DNAH14: variants seen among roughly 807,000 people sequenced by gnomAD.
DNAH14 encodes the protein dynein axonemal heavy chain 14, also known as axonemal beta dynein heavy chain 14.
Under a neutral mutation model 520.9 loss-of-function variants are expected in DNAH14, and 478 were observed. The ratio of observed to expected loss-of-function variants is 0.92; its 90% CI spans 0.85 to 0.99. The LOEUF (loss-of-function observed/expected upper bound fraction) is 0.99. DNAH14 is among the 50% of genes least tolerant of loss of function. DNAH14 has a pLI of 0.00. For missense variants in DNAH14, 4,831 were observed against 5,234.5 expected (o/e 0.92, Z 2.38); for synonymous variants, 1,581 against 1,757.2 (o/e 0.90, Z 2.51).
chr1:225,003,072 G>A, intron 9 of DNAH14, 145 bp downstream of exon 9: 1 of 752,786 alleles, frequency 1.3e-6, no homozygotes, highest in East Asian at 3.1e-5. Context: ...TATCTGCAAA[G>A]AATGTGAGTT....
intron 11 of DNAH14, among the ~76,000 whole-genome samples, chr1:225,027,635 G>A (rs1272839354): frequency 6.6e-6 from 1 of 152,034 alleles, no homozygotes; most frequent in Non-Finnish European, 1.5e-5. Context: ...GATGTAGGGG[G>A]AGGTGCTATA....
intron 1 of DNAH14, among the ~76,000 whole-genome samples, chr1:224,939,434 G>C (rs190440653): frequency 6.6e-6 from 1 of 152,120 alleles, no homozygotes; most frequent in Non-Finnish European, 1.5e-5. Flanking sequence ...ACTTTGGGAT[G>C]CCCAGGTGGG....
At chr1:225,115,430 ATAC>A (rs1228275933) in intron 23 of DNAH14, among the ~76,000 whole-genome samples, 1 of 152,234 alleles carries the variant, frequency 6.6e-6, no homozygotes. Context: ...GTATCCTAAA[ATAC>A]TACATTTTAA....
chr1:225,153,834 GA>G lies in DNAH14; in HGVS notation c.5273+10del, dbSNP rs779976105. The G allele has an allele frequency of 1.1e-5, 17 of 1,545,620 alleles. No individual in the cohort carries two copies. The highest frequency in any genetic ancestry group is 1.4e-5 in the Non-Finnish European group (16 of 1,142,690). On this transcript the variant is annotated intron_variant, in intron 34 of 85. Transcript: ENST00000682510. ...GAAACGGGAGTTTAAATGGTCAGTT[GA>G]ATTTTGAATTGTTAGGTCAAAGGGA...
chr1:225,169,585 A>C (rs907935935), intron 36 of DNAH14, among the ~76,000 whole-genome samples: 1 of 152,228 alleles, frequency 6.6e-6, no homozygotes. Context: ...AAGAATAAAA[A>C]GAAATGAACA....
intron 54 of DNAH14, among the ~76,000 whole-genome samples, chr1:225,285,612 T>G (rs2093722086): frequency 6.6e-6 from 1 of 151,374 alleles, no homozygotes; most frequent in Admixed American, 6.6e-5. Context: ...ATCCCAGCAC[T>G]TTGGGAGGGC....
chr1:225,285,784 G>T (rs1394822695), intron 54 of DNAH14, among the ~76,000 whole-genome samples: 1 of 151,912 alleles, frequency 6.6e-6, no homozygotes, highest in Admixed American at 6.6e-5. Flanking sequence ...TTAAGCCCAG[G>T]AATTCACGGC....
At chr1:225,017,367 G>A (rs1170782779) in intron 10 of DNAH14, among the ~76,000 whole-genome samples, 1 of 152,186 alleles carries the variant, frequency 6.6e-6, no homozygotes, top group Non-Finnish European at 1.5e-5. Context: ...ATATTAATCA[G>A]GCTAATAAAA....
At chr1:224,963,860 A>G (rs56267629) in intron 4 of DNAH14, among the ~76,000 whole-genome samples, 6,520 of 152,232 alleles carry the variant, frequency 0.043, 195 homozygotes, top group Middle Eastern at 0.065. Context: ...AAGTTGTTTT[A>G]GTCCAATGCT....
intron 54 of DNAH14, among the ~76,000 whole-genome samples, chr1:225,286,770 G>T (rs1368382606): frequency 4.6e-5 from 7 of 152,162 alleles, no homozygotes; most frequent in Admixed American, 2.6e-4. Flanking sequence ...ATAAAAACCT[G>T]CACAGGAATG....
At chr1:225,144,761 A>G in intron 29 of DNAH14, 133 bp downstream of exon 29, 1 of 701,658 alleles carries the variant, frequency 1.4e-6, no homozygotes, top group South Asian at 2.0e-5. Context: ...ATTAACTCAC[A>G]TATAATTAAT....
At chr1:225,262,707 C>G (rs907946962) in intron 46 of DNAH14, among the ~76,000 whole-genome samples, 9 of 151,948 alleles carry the variant, frequency 5.9e-5, no homozygotes, top group African/African-American at 2.2e-4. Context: ...ATCTATGTGT[C>G]TACTTTTATA....
intron 38 of DNAH14, among the ~76,000 whole-genome samples, chr1:225,198,937 G>A (rs576810811): frequency 4.2e-4 from 64 of 152,214 alleles, no homozygotes; most frequent in Non-Finnish European, 8.2e-4. Flanking sequence ...TTCTTTGAAC[G>A]TCTGGTAGAA....
chr1:225,259,052 T>A, intron 45 of DNAH14, 69 bp from the exon 46 acceptor site: 1 of 1,393,654 alleles, frequency 7.2e-7, no homozygotes, highest in African/African-American at 1.5e-5. Flanking sequence ...TGTTATTGGT[T>A]CATTTTAATG....
intron 84 of DNAH14, among the ~76,000 whole-genome samples, chr1:225,394,382 A>AT (rs996317617): frequency 5.9e-5 from 9 of 152,138 alleles, no homozygotes; most frequent in African/African-American, 2.2e-4. Flanking sequence ...ATGAACAAAA[A>AT]TTTTTTTGTT....
chr1:225,337,155 T>G, intron 66 of DNAH14, 111 bp from the exon 67 acceptor site: 1 of 912,000 alleles, frequency 1.1e-6, no homozygotes, highest in Non-Finnish European at 1.7e-6. Context: ...TTTTAAACAG[T>G]ATTTCTTTTT....
At chr1:225,070,882 T>C (rs2071472718) in intron 17 of DNAH14, among the ~76,000 whole-genome samples, 1 of 152,178 alleles carries the variant, frequency 6.6e-6, no homozygotes. Flanking sequence ...GGTGCACATA[T>C]ATTTAGGATA....
intron 36 of DNAH14, among the ~76,000 whole-genome samples, chr1:225,183,622 T>C (rs1411483059): frequency 6.7e-6 from 1 of 148,838 alleles, no homozygotes; most frequent in African/African-American, 2.5e-5. Flanking sequence ...AAAGGATCAA[T>C]GAAACCAAAA....
At chr1:225,137,237 T>C (rs1405262004) in intron 27 of DNAH14, among the ~76,000 whole-genome samples, 2 of 152,192 alleles carry the variant, frequency 1.3e-5, no homozygotes, top group African/African-American at 4.8e-5. Context: ...TTTTCAGTGT[T>C]TTTGCATTTA....
Sources: gnomAD v4.1 joint callset for allele counts (sites outside exome capture counted in the v4.1 genomes callset) on GRCh38, gnomAD v4.1.1 for gene constraint, MANE v1.5 for transcripts, NCBI Gene and HGNC (gene_info 2026-07-23, HGNC 2026-07-21) for gene names.